Variants in QRFPR observed in about 807,000 individuals in gnomAD.
QRFPR encodes pyroglutamylated RFamide peptide receptor, also known as pyroglutamylated RF-amide peptide receptor.
In QRFPR, 37 loss-of-function variants were observed where a neutral mutation model predicts 31.3. The observed-to-expected ratio is 1.18, with a 90% CI of 0.91 to 1.56. The LOEUF (loss-of-function observed/expected upper bound fraction) is 1.56. Among genes scored for constraint, QRFPR ranks in the 40% most tolerant of loss-of-function variants. The pLI is 0.00. For missense variants in QRFPR, 542 were observed against 532.5 expected, an observed-to-expected ratio of 1.02 and a Z score of -0.18; for synonymous variants, 197 against 192.0, an observed-to-expected ratio of 1.03 and a Z score of -0.22.
chr4:121,341,052 ATT>A (rs1725535259), intron 1 of QRFPR, among the ~76,000 whole-genome samples: 1 of 147,226 alleles, frequency 6.8e-6, no homozygotes, highest in African/African-American at 2.7e-5. Flanking sequence ...TTTATCATTT[ATT>A]CTCCTTTGAC....
chr4:121,378,962 G>A (rs1413189255), intron 1 of QRFPR, among the ~76,000 whole-genome samples: 2 of 152,124 alleles, frequency 1.3e-5, no homozygotes, highest in Non-Finnish European at 2.9e-5. Flanking sequence ...AAACTCATGT[G>A]CTTTTCCCCA....
intron 1 of QRFPR, among the ~76,000 whole-genome samples, chr4:121,360,037 T>C (rs1725959010): frequency 6.6e-6 from 1 of 152,092 alleles, no homozygotes; most frequent in South Asian, 2.1e-4. Context: ...TCCTCTATTA[T>C]GAGTTAGTAA....
rs139646016 is a variant in QRFPR at position 121,357,056 on chromosome 4, A to G, written c.341-16446T>C. 7.9e-3 allele frequency among the ~76,000 whole-genome samples: 1,196 copies of G among 152,288 alleles called. 10 individuals carry two copies. Among genetic ancestry groups the G allele is most frequent in the Non-Finnish European group, 0.012 (794 of 68,026 alleles). ...TACTAATGCACAGGGTGTTTGTATT[A>G]GTTTCCTACTGGTGCTGTAACAAAG... On this transcript the variant is annotated intron_variant, in intron 1 of 5. Coordinates refer to ENST00000394427, the MANE Select transcript of QRFPR (RefSeq NM_198179.3).
intron 1 of QRFPR, among the ~76,000 whole-genome samples, chr4:121,345,993 A>G (rs1313338480): frequency 1.3e-5 from 2 of 152,240 alleles, no homozygotes; most frequent in African/African-American, 2.4e-5. Flanking sequence ...GATTTAAAAC[A>G]TTATTAATTT....
At chr4:121,364,001 T>C (rs1161036786) in intron 1 of QRFPR, among the ~76,000 whole-genome samples, 4 of 150,208 alleles carry the variant, frequency 2.7e-5, no homozygotes, top group African/African-American at 9.8e-5. Flanking sequence ...AAAGTCTAAA[T>C]GATAACTGGC....
At chr4:121,344,761 C>A (rs1360658409) in intron 1 of QRFPR, among the ~76,000 whole-genome samples, 1 of 152,190 alleles carries the variant, frequency 6.6e-6, no homozygotes, top group Non-Finnish European at 1.5e-5. Context: ...CATCAACTCT[C>A]CCTTTCTTTT....
Position 121,336,847 on chromosome 4 carries a change from A to G in QRFPR, c.521T>C (p.Val174Ala), listed in dbSNP as rs1725446009. ...GTGCCACATGGGTGATCCTACGATG[A>G]CTGCCACCAGCCAGACCACACCTGT... The part of the protein sequence containing the change: ...TMLGVVWLVA[V>A]IVGSPMWHVQ... Residue 174 changes from valine to alanine, a missense_variant, in exon 3 of 6, where the codon GTC becomes GCC. Physicochemically the swap from Val to Ala is moderately conservative, Grantham distance 64 (BLOSUM62 0). Coordinates refer to ENST00000394427, the MANE Select transcript of QRFPR (RefSeq NM_198179.3). 6.2e-7 allele frequency: 1 copy of G among 1,614,008 alleles called. No individual in the cohort carries two copies. The highest frequency in any genetic ancestry group is 8.5e-7 in the Non-Finnish European group (1 of 1,179,966).
chr4:121,347,260 G>T (rs1005684451), intron 1 of QRFPR, among the ~76,000 whole-genome samples: 9 of 151,984 alleles, frequency 5.9e-5, no homozygotes, highest in African/African-American at 2.2e-4. Flanking sequence ...AATCAGAAGG[G>T]CTACAATAAA....
chr4:121,378,607 T>C (rs771018276), intron 1 of QRFPR, among the ~76,000 whole-genome samples: 7 of 151,994 alleles, frequency 4.6e-5, no homozygotes, highest in African/African-American at 1.7e-4. Context: ...GTATTTTTAG[T>C]AGAGACGGGG....
chr4:121,380,459 A>G lies in QRFPR; in HGVS notation c.189T>C (p.Asn63=). ...GGGTCACCACGTAGAACACCAGAGC[A>G]TTGCCAAAGAGCGCCAGGGCGAAGA... ...VLIFALALFG[N]ALVFYVVTRS... is the part of the protein sequence containing the mutation. The change falls in exon 1 of 6, where the codon AAT becomes AAC. Residue 63 remains asparagine, a synonymous_variant. Transcript: ENST00000394427. 1 of 1,614,222 alleles carries G rather than the reference A, an allele frequency of 6.2e-7. No individual in the cohort carries two copies. Among genetic ancestry groups the G allele is most frequent in the Non-Finnish European group, 8.5e-7 (1 of 1,180,022 alleles).
chr4:121,380,440 C>A lies in QRFPR; in HGVS notation c.208G>T (p.Val70Leu), dbSNP rs55693553. Reference protein sequence around the residue: ...LFGNALVFYVVTRSKAMRTVT... With the variant: ...LFGNALVFYVLTRSKAMRTVT... ...GTGCGCATGGCCTTGCTGCGGGTCA[C>A]CACGTAGAACACCAGAGCATTGCCA... The change falls in exon 1 of 6, where the codon GTG becomes TTG. Residue 70 changes from valine to leucine, a missense_variant. Physicochemically the swap from Val to Leu is conservative, Grantham distance 32. Coordinates refer to ENST00000394427, the MANE Select transcript of QRFPR (RefSeq NM_198179.3). The A allele has an allele frequency of 0.015, 24,696 of 1,614,170 alleles. 221 individuals are homozygous for A. Among genetic ancestry groups the A allele is most frequent in the Middle Eastern group, 0.02 (124 of 6,062 alleles).
intron 3 of QRFPR, among the ~76,000 whole-genome samples, chr4:121,334,823 T>G (rs1358904712): frequency 6.6e-6 from 1 of 152,220 alleles, no homozygotes; most frequent in Non-Finnish European, 1.5e-5. Flanking sequence ...GGCAGGGTGC[T>G]TTGTATCATC....
Position 121,380,848 on chromosome 4 carries a change from G to C in QRFPR, c.-201C>G. ...GCTCAGGGATCAAACCCACGATAAA[G>C]AGGCGGGAAGCCAAAGCACTGGGAG... On this transcript the variant is annotated 5_prime_UTR_variant, in exon 1 of 6. Coordinates refer to ENST00000394427, the MANE Select transcript of QRFPR (RefSeq NM_198179.3). The C allele has an allele frequency of 1.8e-6, 1 of 553,886 alleles. No homozygotes were observed. The highest frequency in any genetic ancestry group is 3.0e-5 in the East Asian group (1 of 33,164). 34.3% of individuals were successfully genotyped at this position (553,886 alleles called of 1,614,324 possible).
intron 1 of QRFPR, among the ~76,000 whole-genome samples, chr4:121,367,007 C>A (rs868194160): frequency 6.7e-6 from 1 of 150,114 alleles, no homozygotes; most frequent in Non-Finnish European, 1.5e-5. Flanking sequence ...GTTTCACGGT[C>A]ACTCTCACCC....
rs1230747094 is a variant in QRFPR at position 121,380,555 on chromosome 4, C to CA, written c.92dup (p.Arg32AlafsTer60). The CA allele has an allele frequency of 3.1e-6, 5 of 1,610,676 alleles. No homozygotes were observed. The highest frequency in any genetic ancestry group is 4.2e-6 in the Non-Finnish European group (5 of 1,178,610). On this transcript the variant is annotated frameshift_variant, in exon 1 of 6. Coordinates refer to ENST00000394427, the MANE Select transcript of QRFPR (RefSeq NM_198179.3). LOFTEE classifies it high-confidence loss of function. ...GCTCTGGGGTGTAGACGAGCGGTCG[C>CA]AGCCGGTACAGAGCGATGAACTGCT...
At chr4:121,348,804 T>C (rs898971873) in intron 1 of QRFPR, among the ~76,000 whole-genome samples, 7 of 152,078 alleles carry the variant, frequency 4.6e-5, no homozygotes, top group Admixed American at 6.6e-5. Flanking sequence ...CCCTTATAAA[T>C]ATCCTGGTTA....
intron 1 of QRFPR, among the ~76,000 whole-genome samples, chr4:121,376,944 A>G (rs1726365660): frequency 6.8e-6 from 1 of 147,128 alleles, no homozygotes; most frequent in South Asian, 2.2e-4. Flanking sequence ...GTTTTGACTC[A>G]ATAGGTGCTG....
At chr4:121,361,866 G>A (rs1293112804) in intron 1 of QRFPR, among the ~76,000 whole-genome samples, 7 of 149,918 alleles carry the variant, frequency 4.7e-5, no homozygotes, top group Non-Finnish European at 8.9e-5. Context: ...TAAAAGGAAC[G>A]GCCTCTTCCT....
At chr4:121,335,454 C>T (rs1725413889) in intron 3 of QRFPR, among the ~76,000 whole-genome samples, 1 of 151,690 alleles carries the variant, frequency 6.6e-6, no homozygotes. Flanking sequence ...CTGAAGCAAA[C>T]AATCAGTCAC....
Sources: gnomAD v4.1 joint callset for allele counts (sites outside exome capture counted in the v4.1 genomes callset) on GRCh38, gnomAD v4.1.1 for gene constraint, MANE v1.5 for transcripts, NCBI Gene and HGNC (gene_info 2026-07-23, HGNC 2026-07-21) for gene names.